Variants in PCDHGA6 observed in about 807,000 individuals in gnomAD.
The protein encoded by PCDHGA6 is protocadherin gamma-A6.
In PCDHGA6, 41 loss-of-function variants were observed where a neutral mutation model predicts 60.6. The observed-to-expected ratio is 0.68, with a 90% CI of 0.53 to 0.88. The LOEUF is 0.88. PCDHGA6 is among the 40% of genes least tolerant of loss of function. The pLI is 0.00. For synonymous variants in PCDHGA6, 594 were observed against 524.4 expected, an observed-to-expected ratio of 1.13 and a Z score of -1.81; for missense variants, 1,312 against 1,203.0, an observed-to-expected ratio of 1.09 and a Z score of -1.34.
Position 141,491,589 on chromosome 5 carries a change from C to T in PCDHGA6, c.2425-3218C>T. 6.2e-7 allele frequency: 1 copy of T among 1,613,926 alleles called. No homozygotes were observed. The highest frequency in any genetic ancestry group is 8.5e-7 in the Non-Finnish European group (1 of 1,180,024). ...GGACGTGCTTTTCACCGGCCTCGGA[C>T]GGCAGTGACTTCACTTTTCTAAGAC... On this transcript the variant is annotated intron_variant, in intron 1 of 3. Transcript: ENST00000517434. This position sits in a 1 kb window ranked among gnomAD's most constrained non-coding sequence, Gnocchi z 6.9.
At chr5:141,383,218 A>C in intron 1 of PCDHGA6, 1 of 1,614,020 alleles carries the variant, frequency 6.2e-7, no homozygotes, top group Non-Finnish European at 8.5e-7. Context: ...GGTAAACTTT[A>C]ACATCCTGAT....
At position 141,477,137 on chromosome 5, in the gene PCDHGA6, G is replaced by A; in HGVS notation, c.2425-17670G>A. 1 of 1,614,200 alleles carries A rather than the reference G, an allele frequency of 6.2e-7. No individual in the cohort carries two copies. The highest frequency in any genetic ancestry group is 8.5e-7 in the Non-Finnish European group (1 of 1,180,050). On this transcript the variant is annotated intron_variant, in intron 1 of 3. Coordinates refer to ENST00000517434, the MANE Select transcript of PCDHGA6 (RefSeq NM_018919.3). The surrounding 1 kb of genome is among the most constrained non-coding windows in gnomAD (Gnocchi z 4.9). ...AGGAGCACATTGCAAAGTGTTGGTG[G>A]AGGTTGTGGATGTGAATGACAACGC...
intron 1 of PCDHGA6, among the ~76,000 whole-genome samples, chr5:141,381,826 C>CTTTTTTTTTTTTTTTTT (rs770630741): frequency 6.7e-5 from 5 of 74,282 alleles, no homozygotes; most frequent in Admixed American, 1.9e-4. Flanking sequence ...CTTTCTTCTT[C>CTTTTTTTTTTTTTTTTT]TTTTTTTTTT....
chr5:141,475,106 G>T (rs1182368610), intron 1 of PCDHGA6, among the ~76,000 whole-genome samples: 6 of 152,220 alleles, frequency 3.9e-5, no homozygotes, highest in Admixed American at 2.0e-4. Context: ...ATCCTAGGTG[G>T]TAAATAGGCC....
At chr5:141,460,455 A>G (rs1021070289) in intron 1 of PCDHGA6, among the ~76,000 whole-genome samples, 2 of 152,080 alleles carry the variant, frequency 1.3e-5, no homozygotes, top group African/African-American at 4.8e-5. Context: ...GAAGATTCAT[A>G]TTTTTTTCCA....
chr5:141,481,934 AAT>A (rs1245984926), intron 1 of PCDHGA6, among the ~76,000 whole-genome samples: 5 of 147,494 alleles, frequency 3.4e-5, no homozygotes, highest in Admixed American at 3.4e-4. Flanking sequence ...AAAAAAAAAA[AAT>A]CAGCCAGATG....
intron 1 of PCDHGA6, chr5:141,408,674 A>T (rs1005052894): frequency 3.1e-6 from 5 of 1,614,000 alleles, no homozygotes; most frequent in Non-Finnish European, 4.2e-6. Flanking sequence ...TGACCCTGCC[A>T]CGGATCCTGA....
chr5:141,376,737 A>C, intron 1 of PCDHGA6: 1 of 500,806 alleles, frequency 2.0e-6, no homozygotes, highest in Non-Finnish European at 3.3e-6. Context: ...CGGACTGCGG[A>C]CTGCAGTGGC....
intron 1 of PCDHGA6, chr5:141,423,323 C>T (rs200492485): frequency 6.2e-7 from 1 of 1,614,146 alleles, no homozygotes; most frequent in East Asian, 2.2e-5. Flanking sequence ...GTGGCGGTGG[C>T]CGCAGTCTCC....
At chr5:141,410,182 T>G in intron 1 of PCDHGA6, 1 of 1,613,868 alleles carries the variant, frequency 6.2e-7, no homozygotes, top group Non-Finnish European at 8.5e-7. Flanking sequence ...CCGCCACGCT[T>G]CATCTGGTCT....
chr5:141,376,009 A>G lies in PCDHGA6; in HGVS notation c.1926A>G (p.Leu642=), dbSNP rs111388524. 32 of 1,613,224 alleles carry G rather than the reference A, an allele frequency of 2.0e-5. No homozygotes were observed. In the South Asian group the frequency reaches 3.5e-4, roughly 18 times the overall value. Residue 642 remains leucine (L), a synonymous_variant, in exon 1 of 4, where the codon CTA becomes CTG. Transcript: ENST00000517434. The part of the protein sequence containing the change: ...LLDRDALKQS[L]VVAVQDHGQP... ...ACAGAGACGCGCTCAAGCAGAGCCT[A>G]GTGGTGGCCGTCCAGGACCACGGCC...
In PCDHGA6 at chr5:141,375,888, C is replaced by G; in HGVS notation, c.1805C>G (p.Ala602Gly). 1 of 1,613,818 alleles carries G rather than the reference C, an allele frequency of 6.2e-7. No homozygotes were observed. Among genetic ancestry groups the G allele is most frequent in the Admixed American group, 1.7e-5 (1 of 60,032 alleles). Reference sequence around the variant, plus strand: ...GTGGACAGAGACTCGGGCCAGAACGCCTGGCTGTCCTACCGCCTGCTCAAG... The same window carrying G: ...GTGGACAGAGACTCGGGCCAGAACGGCTGGCTGTCCTACCGCCTGCTCAAG... ...VAVDRDSGQN[A>G]WLSYRLLKAS... Residue 602 changes from alanine to glycine, a missense_variant, in exon 1 of 4, where the codon GCC becomes GGC. Transcript: ENST00000517434.
rs746487145 is a variant in PCDHGA6 at position 141,505,415 on chromosome 5, G to A, written c.2506G>A (p.Gly836Ser). 7.4e-6 allele frequency: 12 copies of A among 1,614,074 alleles called. No individual in the cohort carries two copies. The East Asian group carries it at 1.3e-4, about 18-fold the overall frequency. Residue 836 changes from glycine to serine, a missense_variant, in exon 3 of 4, where the codon GGC (glycine) becomes AGC (serine). Gly to Ser is a moderately conservative substitution (Grantham distance 56, BLOSUM62 0). Coordinates refer to ENST00000517434, the MANE Select transcript of PCDHGA6 (RefSeq NM_018919.3). ...CAGCTCCCAAAATGGCGATGACACC[G>A]GCACCTGGCCCAACAACCAGTTTGA... ...TSGSQNGDDT[G>S]TWPNNQFDTE...
chr5:141,380,372 C>T lies in PCDHGA6; in HGVS notation c.2424+3865C>T, dbSNP rs73265858. On this transcript the variant is annotated intron_variant, in intron 1 of 3. Transcript: ENST00000517434. ...TTGTTTGTTTTTTAGAAAAAAAAGT[C>T]CCAAAAAAGAAAAGAGAGAAGATAA... 8.4e-3 allele frequency among the ~76,000 whole-genome samples: 1,279 copies of T among 152,058 alleles called. 17 individuals are homozygous for T. Among genetic ancestry groups the T allele is most frequent in the African/African-American group, 0.029 (1,214 of 41,474 alleles).
rs1165828230 is a variant in PCDHGA6, at chr5:141,511,464, C to T, written c.*291C>T. On this transcript the variant is annotated 3_prime_UTR_variant, in exon 4 of 4. Coordinates refer to ENST00000517434, the MANE Select transcript of PCDHGA6 (RefSeq NM_018919.3). ...ACACCAAGAACCATTTGCCACACCCCGTTTAGTTACAGCTGAACTCCTCCA... is the reference window on the plus strand; with the variant it reads ...ACACCAAGAACCATTTGCCACACCCTGTTTAGTTACAGCTGAACTCCTCCA... 9 of 538,254 alleles carry T rather than the reference C, an allele frequency of 1.7e-5. No individual in the cohort carries two copies. The highest frequency in any genetic ancestry group is 7.8e-5 in the East Asian group (2 of 25,720). 33.3% of individuals were successfully genotyped at this position (538,254 alleles called of 1,614,324 possible).
intron 1 of PCDHGA6, chr5:141,416,753 G>A (rs1168212796): frequency 1.3e-5 from 2 of 152,154 alleles, no homozygotes; most frequent in Non-Finnish European, 2.9e-5. Context: ...GACGTATTAG[G>A]TAGATCTCTT....
At chr5:141,384,312 T>A in intron 1 of PCDHGA6, 1 of 1,613,806 alleles carries the variant, frequency 6.2e-7, no homozygotes. Flanking sequence ...GGGCCTCCAT[T>A]TTCTTAGTGA....
chr5:141,501,292 C>CACAT (rs200296563), intron 2 of PCDHGA6, among the ~76,000 whole-genome samples: 14,029 of 50,334 alleles, frequency 0.28, 723 homozygotes, highest in Admixed American at 0.4. Flanking sequence ...TTCCCTTATA[C>CACAT]ACACACACAC....
intron 1 of PCDHGA6, chr5:141,478,484 C>A (rs376021397): frequency 1.2e-5 from 20 of 1,613,340 alleles, no homozygotes; most frequent in Non-Finnish European, 1.4e-5. Context: ...GAACACGCTG[C>A]GGAGCTGTGA....
Sources: gnomAD v4.1 joint callset for allele counts (sites outside exome capture counted in the v4.1 genomes callset) on GRCh38, gnomAD v4.1.1 for gene constraint, Gnocchi (gnomAD v3.1) non-coding constraint, MANE v1.5 for transcripts, NCBI Gene and HGNC (gene_info 2026-07-23, HGNC 2026-07-21) for gene names.